Variants in HMCN1 observed in about 807,000 individuals in gnomAD.
HMCN1 encodes the protein hemicentin 1, also known as hemicentin-1.
In HMCN1, 321 loss-of-function variants were observed where a neutral mutation model predicts 625.9. The ratio of observed to expected loss-of-function variants is 0.51; its 90% CI spans 0.47 to 0.56. HMCN1 has a LOEUF of 0.56. HMCN1 is among the 20% of genes least tolerant of loss of function. HMCN1 has a pLI of 0.00. For synonymous variants in HMCN1, 2,425 were observed against 2,417.6 expected, an observed-to-expected ratio of 1.00 and a Z score of -0.09; for missense variants, 6,588 against 6,887.3, an observed-to-expected ratio of 0.96 and a Z score of 1.54.
At chr1:186,017,950 G>A (rs1160339743) in intron 33 of HMCN1, among the ~76,000 whole-genome samples, 1 of 151,736 alleles carries the variant, frequency 6.6e-6, no homozygotes, top group Non-Finnish European at 1.5e-5. Context: ...CTTTTTTGTA[G>A]CCTAAAATTA....
At chr1:186,128,394 G>C (rs1341118333) in intron 83 of HMCN1, 103 bp downstream of exon 83, 2 of 933,684 alleles carry the variant, frequency 2.1e-6, no homozygotes, top group African/African-American at 3.3e-5. Context: ...AACAAGAATT[G>C]ATTGCTTTAA....
At chr1:186,024,675 A>G (rs1349839499) in intron 36 of HMCN1, among the ~76,000 whole-genome samples, 1 of 152,208 alleles carries the variant, frequency 6.6e-6, no homozygotes, top group Non-Finnish European at 1.5e-5. Flanking sequence ...TTTGGGGTTC[A>G]GAGATAATAG....
At chr1:185,848,805 TTAGTAAGTGTTG>T (rs143839325) in intron 2 of HMCN1, among the ~76,000 whole-genome samples, 7,031 of 152,268 alleles carry the variant, frequency 0.046, 565 homozygotes, top group African/African-American at 0.16. Context: ...AGTCCAACTG[TTAGTAAGTGTTG>T]TTTGTAACTT....
At chr1:185,851,077 T>C (rs1398981810) in intron 2 of HMCN1, among the ~76,000 whole-genome samples, 4 of 152,190 alleles carry the variant, frequency 2.6e-5, no homozygotes, top group Non-Finnish European at 5.9e-5. Flanking sequence ...TACTTTATTA[T>C]TTCATTAATC....
At chr1:185,821,558 A>C (rs1283420367) in intron 1 of HMCN1, among the ~76,000 whole-genome samples, 2 of 152,052 alleles carry the variant, frequency 1.3e-5, no homozygotes, top group Non-Finnish European at 2.9e-5. Flanking sequence ...TTAAAATGTA[A>C]TTCATATATC....
At chr1:185,760,094 A>G (rs541005922) in intron 1 of HMCN1, among the ~76,000 whole-genome samples, 75 of 152,252 alleles carry the variant, frequency 4.9e-4, no homozygotes, top group African/African-American at 1.8e-3. Context: ...TTCACTTACT[A>G]GTGGGGATAG....
chr1:185,955,347 T>C (rs1649543801), intron 11 of HMCN1, among the ~76,000 whole-genome samples: 2 of 152,164 alleles, frequency 1.3e-5, no homozygotes, highest in African/African-American at 2.4e-5. Context: ...CATTTAATCC[T>C]GAATTGTATC....
At chr1:186,031,043 C>T (rs544337861) in intron 36 of HMCN1, among the ~76,000 whole-genome samples, 57 of 151,962 alleles carry the variant, frequency 3.8e-4, no homozygotes, top group East Asian at 1.2e-3. Context: ...AAATGAGTTA[C>T]GAGCAAAATA....
intron 4 of HMCN1, among the ~76,000 whole-genome samples, chr1:185,895,912 T>C (rs374395670): frequency 6.6e-5 from 10 of 152,100 alleles, no homozygotes; most frequent in African/African-American, 2.4e-4. Context: ...AACTCCAACC[T>C]TAAATATGTT....
intron 73 of HMCN1, 25 bp from the exon 74 acceptor site, chr1:186,114,794 A>T (rs745779538): frequency 5.0e-6 from 8 of 1,613,760 alleles, no homozygotes; most frequent in Non-Finnish European, 1.7e-6. Context: ...GATTCAGAAG[A>T]CTTCACTTGT....
At chr1:185,742,838 T>C (rs1165141943) in intron 1 of HMCN1, among the ~76,000 whole-genome samples, 1 of 152,194 alleles carries the variant, frequency 6.6e-6, no homozygotes, top group Non-Finnish European at 1.5e-5. Flanking sequence ...CTCCTGAGGA[T>C]ATGTAGAGGT....
chr1:186,088,648 G>C lies in HMCN1; in HGVS notation c.9620G>C (p.Ser3207Thr), dbSNP rs1164148801. 1 of 1,611,818 alleles carries C rather than the reference G, an allele frequency of 6.2e-7. No homozygotes were observed. The highest frequency in any genetic ancestry group is 8.5e-7 in the Non-Finnish European group (1 of 1,178,788). ...SLEVRILSGG[S>T]KLQIARSQHS... ...GAAGTTCGTATTTTGTCTGGAGGTA[G>C]CAAACTCCAGATTGCCCGGTCTCAG... The change falls in exon 63 of 107, where the codon AGC becomes ACC. Residue 3207 changes from serine (S) to threonine (T), a missense_variant. By Grantham distance (58) the Ser-to-Thr change is moderately conservative. This residue lies in a region of HMCN1 where 4,628 missense variants were observed against 4,853.1 expected (regional missense o/e 0.95). Transcript: ENST00000271588.
chr1:186,145,476 G>T lies in HMCN1; in HGVS notation c.14340G>T (p.Arg4780=), dbSNP rs1650256587. 6.2e-7 allele frequency: 1 copy of T among 1,613,198 alleles called. No homozygotes were observed. The highest frequency in any genetic ancestry group is 8.5e-7 in the Non-Finnish European group (1 of 1,179,580). Residue 4780 remains arginine, a synonymous_variant, in exon 92 of 107, where the codon CGG becomes CGT. Transcript: ENST00000271588. ...SRTCNGGQMR[R]YRTCDNPPPS... is the part of the protein sequence containing the mutation. The stretch of plus-strand genomic sequence containing the variant: ...CGTGTAACGGAGGGCAGATGCGGCG[G>T]TACCGCACATGTGATAACCCTCCTC...
intron 14 of HMCN1, 114 bp from the exon 15 acceptor site, chr1:185,970,221 G>T (rs1650714812): frequency 1.0e-6 from 1 of 952,476 alleles, no homozygotes; most frequent in Non-Finnish European, 1.7e-6. Flanking sequence ...CCAAACACTT[G>T]TGTTTAAAAA....
intron 12 of HMCN1, 152 bp from the exon 13 acceptor site, chr1:185,963,616 T>G: frequency 1.6e-6 from 1 of 618,776 alleles, no homozygotes; most frequent in Non-Finnish European, 2.9e-6. Context: ...GCATTTCTGC[T>G]TATAAAATAA....
intron 73 of HMCN1, 69 bp from the exon 74 acceptor site, chr1:186,114,750 C>T: frequency 6.4e-7 from 1 of 1,563,252 alleles, no homozygotes. Context: ...TTTAACATTT[C>T]CCTCAGTCAA....
intron 11 of HMCN1, among the ~76,000 whole-genome samples, chr1:185,949,008 C>T (rs1668501290): frequency 6.6e-6 from 1 of 151,670 alleles, no homozygotes; most frequent in African/African-American, 2.4e-5. Context: ...AATTGAGAAA[C>T]TAAATGGAAT....
chr1:185,923,365 T>A, intron 7 of HMCN1, 25 bp from the exon 8 acceptor site: 1 of 1,578,748 alleles, frequency 6.3e-7, no homozygotes, highest in Non-Finnish European at 8.7e-7. Context: ...TTCTTGTAAA[T>A]GATAACAAAA....
At chr1:186,027,246 C>A (rs1372873831) in intron 36 of HMCN1, among the ~76,000 whole-genome samples, 1 of 152,022 alleles carries the variant, frequency 6.6e-6, no homozygotes, top group Non-Finnish European at 1.5e-5. Flanking sequence ...GGGCAGGAGC[C>A]CTCAGTAGGT....
Sources: gnomAD v4.1 joint callset for allele counts (sites outside exome capture counted in the v4.1 genomes callset) on GRCh38, gnomAD v4.1.1 for gene constraint, gnomAD v4.1.1 regional missense constraint, MANE v1.5 for transcripts, NCBI Gene and HGNC (gene_info 2026-07-23, HGNC 2026-07-21) for gene names.